Variants in TP63 observed in about 807,000 individuals in gnomAD.
The protein encoded by TP63 is tumor protein 63.
TP63 carries 17 observed loss-of-function variants against 82.8 expected under a neutral mutation model. That is an observed-to-expected ratio of 0.21 (90% CI 0.14 to 0.31). TP63 has a LOEUF of 0.31. TP63 is among the 10% of genes least tolerant of loss of function. The pLI, the probability that TP63 is intolerant of heterozygous loss-of-function variation, is 1.00. For synonymous variants in TP63, 330 were observed against 321.7 expected, an observed-to-expected ratio of 1.03 and a Z score of -0.28; for missense variants, 648 against 895.3, an observed-to-expected ratio of 0.72 and a Z score of 3.52.
chr3:189,708,648 A>G (rs575583737), intron 1 of TP63, among the ~76,000 whole-genome samples: 1 of 152,288 alleles, frequency 6.6e-6, no homozygotes, highest in South Asian at 2.1e-4. Context: ...GGTGCTTTTA[A>G]GAGTAGACTG....
At chr3:189,734,326 C>T (rs1222488969) in intron 1 of TP63, among the ~76,000 whole-genome samples, 2 of 152,000 alleles carry the variant, frequency 1.3e-5, no homozygotes, top group African/African-American at 4.8e-5. Context: ...CACCGGCCGC[C>T]AAGCCCAGCT....
intron 3 of TP63, among the ~76,000 whole-genome samples, chr3:189,740,824 C>T (rs1720928062): frequency 6.6e-6 from 1 of 152,098 alleles, no homozygotes; most frequent in Non-Finnish European, 1.5e-5. Flanking sequence ...CTTAATGTGC[C>T]ATGTTGTTTC....
rs1245371733 is a variant in TP63 at position 189,737,821 on chromosome 3, A to C, written c.144A>C (p.Glu48Asp). The C allele has an allele frequency of 3.1e-6, 5 of 1,613,918 alleles. No homozygotes were observed. Among genetic ancestry groups the C allele is most frequent in the Non-Finnish European group, 2.5e-6 (3 of 1,179,894 alleles). The change falls in exon 2 of 14, where the codon GAA becomes GAC. Residue 48 changes from glutamate (E) to aspartate (D), a missense_variant. Physicochemically the swap from Glu to Asp is conservative, Grantham distance 45 (BLOSUM62 2). Coordinates refer to ENST00000264731, the MANE Select transcript of TP63 (RefSeq NM_003722.5). ...STMSQSTQTN[E>D]FLSPEVFQHI... ...TGTCCCAGAGCACACAGACAAATGA[A>C]TTCCTCAGTCCAGAGGTTTTCCAGC...
intron 1 of TP63, among the ~76,000 whole-genome samples, chr3:189,672,573 G>T (rs553358905): frequency 6.7e-6 from 1 of 149,140 alleles, no homozygotes; most frequent in South Asian, 2.2e-4. Flanking sequence ...CTGTACTACA[G>T]CCTGGGTGAC....
chr3:189,608,996 T>C, the TP63 span, among the ~76,000 whole-genome samples: 1 of 152,112 alleles, frequency 6.6e-6, no homozygotes, highest in East Asian at 1.9e-4. Flanking sequence ...AACACTGTAG[T>C]TTCATACAAT....
intron 4 of TP63, among the ~76,000 whole-genome samples, chr3:189,841,673 A>G (rs1714140195): frequency 6.6e-6 from 1 of 152,226 alleles, no homozygotes; most frequent in African/African-American, 2.4e-5. Context: ...AGTGCCTCCC[A>G]GAATGAATGG....
chr3:189,695,964 G>T (rs1430564846), intron 1 of TP63, among the ~76,000 whole-genome samples: 1 of 152,084 alleles, frequency 6.6e-6, no homozygotes, highest in Non-Finnish European at 1.5e-5. Flanking sequence ...TCTTTAGTGA[G>T]GTTGTTTCAT....
intron 4 of TP63, among the ~76,000 whole-genome samples, chr3:189,825,406 G>A (rs1046274611): frequency 3.3e-5 from 5 of 152,192 alleles, no homozygotes; most frequent in Non-Finnish European, 7.3e-5. Flanking sequence ...GCAATCATTC[G>A]TGAGTCTACC....
intron 1 of TP63, among the ~76,000 whole-genome samples, chr3:189,667,648 G>T (rs895090700): frequency 9.2e-5 from 14 of 152,092 alleles, no homozygotes; most frequent in African/African-American, 3.1e-4. Flanking sequence ...CTAAAGACTT[G>T]AGAGTAGAAC....
intron 3 of TP63, chr3:189,738,992 G>A: frequency 1.6e-6 from 1 of 622,968 alleles, no homozygotes; most frequent in Non-Finnish European, 2.8e-6. Flanking sequence ...ATCCGTGTGG[G>A]GAGGGAGATT....
chr3:189,806,516 G>A (rs958434476), intron 3 of TP63, among the ~76,000 whole-genome samples: 2 of 152,172 alleles, frequency 1.3e-5, no homozygotes, highest in East Asian at 1.9e-4. Flanking sequence ...GGATACCTAA[G>A]AGCTTTAGTT....
intron 3 of TP63, among the ~76,000 whole-genome samples, chr3:189,740,153 A>G (rs984005014): frequency 6.6e-6 from 1 of 152,202 alleles, no homozygotes; most frequent in African/African-American, 2.4e-5. Context: ...TTTCATTCCA[A>G]TACAGATATA....
chr3:189,654,585 T>C (rs1713171921), intron 1 of TP63, among the ~76,000 whole-genome samples: 1 of 152,194 alleles, frequency 6.6e-6, no homozygotes, highest in African/African-American at 2.4e-5. Context: ...GTATTACCAA[T>C]GTTTACCTTG....
chr3:189,747,875 G>T (rs1721495988), intron 3 of TP63, among the ~76,000 whole-genome samples: 1 of 123,334 alleles, frequency 8.1e-6, no homozygotes, highest in Non-Finnish European at 1.8e-5. Context: ...CTCAAAATCA[G>T]AAATGAAAAA....
chr3:189,845,613 T>A (rs1465099527), intron 4 of TP63, among the ~76,000 whole-genome samples: 1 of 151,634 alleles, frequency 6.6e-6, no homozygotes, highest in African/African-American at 2.4e-5. Flanking sequence ...TTCGTTGGTG[T>A]ATTTAAGCCT....
chr3:189,748,333 T>C (rs1015702182), intron 3 of TP63, among the ~76,000 whole-genome samples: 2 of 151,926 alleles, frequency 1.3e-5, no homozygotes, highest in Non-Finnish European at 1.5e-5. Context: ...ATGAATTCAA[T>C]ATAGTTGCAG....
chr3:189,629,736 G>C (rs1729396294), upstream of TP63, among the ~76,000 whole-genome samples: 1 of 152,164 alleles, frequency 6.6e-6, no homozygotes, highest in African/African-American at 2.4e-5. Context: ...ATTAAAACTT[G>C]AGAAGCTCTG....
chr3:189,825,996 C>T (rs1211535995), intron 4 of TP63, among the ~76,000 whole-genome samples: 4 of 151,762 alleles, frequency 2.6e-5, no homozygotes, highest in Non-Finnish European at 4.4e-5. Context: ...TGAAGAAGGA[C>T]GTGAGCTACA....
At chr3:189,804,036 G>GCCTGCTTCCTATTTC (rs1274618878) in intron 3 of TP63, among the ~76,000 whole-genome samples, 34 of 152,144 alleles carry the variant, frequency 2.2e-4, no homozygotes, top group Non-Finnish European at 4.9e-4. Context: ...TTTCATTTCA[G>GCCTGCTTCCTATTTC]ATACGCCAAT....
Sources: gnomAD v4.1 joint callset for allele counts (sites outside exome capture counted in the v4.1 genomes callset) on GRCh38, gnomAD v4.1.1 for gene constraint, MANE v1.5 for transcripts, NCBI Gene and HGNC (gene_info 2026-07-23, HGNC 2026-07-21) for gene names.